DOCK11: variants seen among roughly 807,000 people sequenced by gnomAD.
The protein encoded by DOCK11 is dedicator of cytokinesis protein 11.
DOCK11 carries 70 observed loss-of-function variants against 169.1 expected under a neutral mutation model. That is an observed-to-expected ratio of 0.41 (90% CI 0.34 to 0.51). The LOEUF (loss-of-function observed/expected upper bound fraction) is 0.51. DOCK11 is among the 20% of genes least tolerant of loss of function. The pLI, the probability that DOCK11 is intolerant of heterozygous loss-of-function variation, is 0.10. For synonymous variants in DOCK11, 529 were observed against 541.3 expected (o/e 0.98, Z 0.32); for missense variants, 1,166 against 1,538.8 (o/e 0.76, Z 4.05).
chrX:118,624,579 T>C lies in DOCK11; in HGVS notation c.3512T>C (p.Val1171Ala). ...AKIAQLYLPFVGLLLENIQRL... is the reference protein window; with the variant it reads ...AKIAQLYLPFAGLLLENIQRL... ...ATAGCACAATTGTACCTCCCCTTTG[T>C]TGGACTACTTTTGGAAAATATACAG... Residue 1171 changes from valine to alanine, a missense_variant, in exon 32 of 53, where the codon GTT becomes GCT. Coordinates refer to ENST00000276202, the MANE Select transcript of DOCK11 (RefSeq NM_144658.4). 1.7e-6 allele frequency: 2 copies of C among 1,209,755 alleles called. No individual in the cohort carries two copies. The highest frequency in any genetic ancestry group is 2.2e-6 in the Non-Finnish European group (2 of 894,325).
chrX:118,503,483 AAG>A (rs1213519266), intron 1 of DOCK11, among the ~76,000 whole-genome samples: 2 of 112,177 alleles, frequency 1.8e-5, no homozygotes, highest in Non-Finnish European at 3.8e-5. Context: ...GGGAGGAAGA[AAG>A]AGAGGAAGAG....
At chrX:118,658,962 CATAGAATCTG>C (rs917989483) in intron 44 of DOCK11, among the ~76,000 whole-genome samples, 5 of 111,618 alleles carry the variant, frequency 4.5e-5, no homozygotes, top group Non-Finnish European at 9.4e-5. Flanking sequence ...TTTCCTTTCC[CATAGAATCTG>C]GTTTTTTTCA....
intron 52 of DOCK11, 136 bp from the exon 53 acceptor site, chrX:118,685,552 T>A (rs1257517351): frequency 1.3e-6 from 1 of 799,514 alleles, no homozygotes; most frequent in Non-Finnish European, 1.8e-6. Flanking sequence ...TGTTATTCTT[T>A]GCTCTCTCTG....
At chrX:118,683,318 T>A in intron 52 of DOCK11, 101 bp downstream of exon 52, 1 of 889,973 alleles carries the variant, frequency 1.1e-6, no homozygotes, top group Non-Finnish European at 1.5e-6. Flanking sequence ...TTAAAGTTAT[T>A]AAGTCTATAT....
Position 118,588,340 on chromosome X carries a change from C to T in DOCK11, c.1980+19C>T, listed in dbSNP as rs765170499. On this transcript the variant is annotated intron_variant, in intron 17 of 52. Transcript: ENST00000276202. ...TGCCAAGGTAACCATGTAAACTATA[C>T]ATTTTTGGAGTATAAAATGTTATTT... 4 of 1,161,300 alleles carry T rather than the reference C, an allele frequency of 3.4e-6. No homozygotes were observed. The Admixed American group carries it at 1.1e-4, about 31-fold the overall frequency.
chrX:118,497,779 C>T (rs1344443950), intron 1 of DOCK11, among the ~76,000 whole-genome samples: 1 of 112,335 alleles, frequency 8.9e-6, no homozygotes, highest in Non-Finnish European at 1.9e-5. Flanking sequence ...GGCCTTCTAC[C>T]ACAACACGTG....
At position 118,578,548 on chromosome X, in the gene DOCK11, A is replaced by G. The variant is rs758322486; in HGVS notation, c.1413A>G (p.Pro471=). Residue 471 remains proline, a synonymous_variant, in exon 13 of 53, where the codon CCA becomes CCG. Coordinates refer to ENST00000276202, the MANE Select transcript of DOCK11 (RefSeq NM_144658.4). ...AGGGAATTTTCTCAGTGACGAATCC[A>G]CATCCTGAAATTTTTCTAGTTGCCA... The part of the protein sequence containing the change: ...IQQGIFSVTN[P]HPEIFLVARI... 1.2e-5 allele frequency: 15 copies of G among 1,207,630 alleles called. No individual in the cohort carries two copies. Among genetic ancestry groups the G allele is most frequent in the African/African-American group, 1.8e-5 (1 of 57,088 alleles).
Position 118,608,351 on chromosome X carries a change from C to T in DOCK11, c.2872C>T (p.Leu958=), listed in dbSNP as rs200265553. The change falls in exon 26 of 53, where the codon CTA becomes TTA. Residue 958 remains leucine, a synonymous_variant. Transcript: ENST00000276202. ...SADFLSINKL[L]KYSWFFFEII... is the part of the protein sequence containing the mutation. ...AGATTTTTTATCAATAAACAAATTG[C>T]TAAAGGTATGAACACAGGACACAAC... 8 of 1,204,892 alleles carry T rather than the reference C, an allele frequency of 6.6e-6. No homozygotes were observed. The highest frequency in any genetic ancestry group is 2.3e-4 in the Middle Eastern group (1 of 4,311).
At chrX:118,499,098 T>C (rs765916227) in intron 1 of DOCK11, among the ~76,000 whole-genome samples, 79 of 112,289 alleles carry the variant, frequency 7.0e-4, no homozygotes, top group Admixed American at 4.9e-3. Context: ...CATTATAACC[T>C]GAGAGTGTAT....
intron 38 of DOCK11, 114 bp downstream of exon 38, chrX:118,639,691 C>T: frequency 2.5e-6 from 2 of 802,317 alleles, no homozygotes; most frequent in South Asian, 7.3e-5. Flanking sequence ...ACATTATATG[C>T]ATGTAACAAA....
intron 6 of DOCK11, among the ~76,000 whole-genome samples, chrX:118,560,415 C>T (rs1482320964): frequency 9.0e-6 from 1 of 111,516 alleles, no homozygotes; most frequent in Non-Finnish European, 1.9e-5. Context: ...CCAGGTTCTT[C>T]GAATAAGACA....
intron 12 of DOCK11, among the ~76,000 whole-genome samples, chrX:118,577,794 A>C (rs1321515317): frequency 1.8e-5 from 2 of 111,965 alleles, no homozygotes; most frequent in East Asian, 2.8e-4. Flanking sequence ...AAGGAAAAAA[A>C]CGAAATTTTG....
At chrX:118,580,776 G>A (rs1456244959) in intron 14 of DOCK11, among the ~76,000 whole-genome samples, 2 of 111,674 alleles carry the variant, frequency 1.8e-5, no homozygotes, top group Non-Finnish European at 3.8e-5. Flanking sequence ...TGGTAGTCAT[G>A]GAATTTTTTC....
intron 49 of DOCK11, 56 bp from the exon 50 acceptor site, chrX:118,681,002 G>T (rs1445426136): frequency 3.9e-6 from 4 of 1,033,722 alleles, no homozygotes; most frequent in African/African-American, 1.9e-5. Context: ...CTTTAATTTG[G>T]CTGTTTGAAC....
intron 1 of DOCK11, among the ~76,000 whole-genome samples, chrX:118,497,047 A>T (rs147742579): frequency 8.9e-6 from 1 of 112,741 alleles, no homozygotes; most frequent in Non-Finnish European, 1.9e-5. Context: ...AGTTTCCTGG[A>T]CAAGCGAACA....
chrX:118,676,605 A>G lies in DOCK11; in HGVS notation c.5328A>G (p.Glu1776=), dbSNP rs781642902. 66 of 1,150,612 alleles carry G rather than the reference A, an allele frequency of 5.7e-5. No homozygotes were observed. Among genetic ancestry groups the G allele is most frequent in the Non-Finnish European group, 7.4e-5 (64 of 859,118 alleles). The allele number at this position is 1,150,612 out of a possible 1,213,427, so 94.8% of individuals were successfully genotyped here. Residue 1776 remains glutamate (E), a synonymous_variant, in exon 48 of 53, where the codon GAA becomes GAG. Transcript: ENST00000276202. ...CTTTATAATAGTCTTTTTTTGAAGA[A>G]GAAGATGGAAAGGAGTACATCTATA... ...VAFYGQSFFE[E]EDGKEYIYKE...
intron 10 of DOCK11, among the ~76,000 whole-genome samples, chrX:118,570,619 A>T (rs2013242913): frequency 8.9e-6 from 1 of 112,439 alleles, no homozygotes; most frequent in Non-Finnish European, 1.9e-5. Context: ...ATTATCCAGT[A>T]TTCTTCAGGC....
At position 118,626,302 on chromosome X, in the gene DOCK11, C is replaced by A. The variant is rs191686149; in HGVS notation, c.3589-1202C>A. Reference sequence around the variant, plus strand: ...GCCAAGCTGGTCTTGAAATCCTGACCTCAAGTGATCTGCCTGCCTCAGCCT... The same window carrying A: ...GCCAAGCTGGTCTTGAAATCCTGACATCAAGTGATCTGCCTGCCTCAGCCT... On this transcript the variant is annotated intron_variant, in intron 32 of 52. Coordinates refer to ENST00000276202, the MANE Select transcript of DOCK11 (RefSeq NM_144658.4). 5.6e-3 allele frequency among the ~76,000 whole-genome samples: 614 copies of A among 110,355 alleles called. 4 individuals carry two copies. The highest frequency in any genetic ancestry group is 0.019 in the African/African-American group (574 of 30,286).
At chrX:118,657,879 C>CAT in intron 44 of DOCK11, among the ~76,000 whole-genome samples, 3 of 109,739 alleles carry the variant, frequency 2.7e-5, no homozygotes, top group Non-Finnish European at 5.7e-5. Context: ...GGGTACTGCT[C>CAT]GGGTGACAGG....
Sources: allele counts gnomAD v4.1 joint callset (sites outside exome capture counted in the v4.1 genomes callset), GRCh38; gene constraint gnomAD v4.1.1; transcripts MANE v1.5; gene names NCBI Gene and HGNC (gene_info 2026-07-23, HGNC 2026-07-21).